The following TULP4 variants were observed in gnomAD, a reference collection of about 807,000 sequenced individuals.
TULP4 encodes TUB like protein 4.
TULP4 carries 16 observed loss-of-function variants against 129.0 expected under a neutral mutation model. The observed-to-expected ratio is 0.12, with a 90% confidence interval of 0.08 to 0.19. The LOEUF (loss-of-function observed/expected upper bound fraction) is 0.19, where lower values mean the gene tolerates loss of function less well. TULP4 is among the 10% of genes least tolerant of loss of function. The pLI, the probability that TULP4 is intolerant of heterozygous loss-of-function variation, is 1.00. For missense variants in TULP4, 1,842 were observed against 2,059.1 expected (o/e 0.89, Z 2.04); for synonymous variants, 998 against 854.0 (o/e 1.17, Z -2.94).
At chr6:158,238,706 T>G (rs2128442720) in intron 1 of TULP4, among the ~76,000 whole-genome samples, 1 of 96,124 alleles carries the variant, frequency 1.0e-5, no homozygotes, top group East Asian at 2.8e-4. Flanking sequence ...TAACCCTGAG[T>G]GGACACAGCA....
In TULP4 at chr6:158,498,781, T is replaced by G; in HGVS notation, c.1983T>G (p.Asn661Lys). 6 of 1,614,200 alleles carry G rather than the reference T, an allele frequency of 3.7e-6. No homozygotes were observed. The highest frequency in any genetic ancestry group is 5.1e-6 in the Non-Finnish European group (6 of 1,180,032). ...TTAATTTACCTGTCTTCAACCCAAA[T>G]GTTTTCAGTGAAGATGAAGATGATT... ...DYINLPVFNP[N>K]VFSEDEDDLP... The change falls in exon 12 of 14, where the codon AAT becomes AAG. Residue 661 changes from asparagine to lysine, a missense_variant. Asn to Lys is a moderately conservative substitution (Grantham distance 94, BLOSUM62 0). This residue lies in a region of TULP4 where 99 missense variants were observed against 165.1 expected (regional missense o/e 0.60). Coordinates refer to ENST00000367097, the MANE Select transcript of TULP4 (RefSeq NM_020245.5).
chr6:158,237,654 A>T, intron 1 of TULP4: 1 of 1,289,022 alleles, frequency 7.8e-7, no homozygotes, highest in Non-Finnish European at 1.1e-6. Context: ...GTTTTGGGTC[A>T]TAATTCTTAG....
intron 1 of TULP4, among the ~76,000 whole-genome samples, chr6:158,365,578 G>A (rs562360933): frequency 9.3e-5 from 14 of 151,154 alleles, no homozygotes; most frequent in East Asian, 3.9e-4. Flanking sequence ...GCAGGTTCAC[G>A]CCATTCTCCT....
chr6:158,437,055 TG>T lies in TULP4; in HGVS notation c.543+7162del, dbSNP rs1246179778. On this transcript the variant is annotated intron_variant, in intron 3 of 13. Coordinates refer to ENST00000367097, the MANE Select transcript of TULP4 (RefSeq NM_020245.5). ...AGCAGCTAAGCACTGTCAGATCATTTGGGGAGAGAAGCAGTAACAGTCACTG... is the reference window on the plus strand; with the variant it reads ...AGCAGCTAAGCACTGTCAGATCATTTGGGAGAGAAGCAGTAACAGTCACTG... Among the ~76,000 whole-genome samples the T allele has an allele frequency of 2.0e-5, 3 of 152,176 alleles. No homozygotes were observed. In the East Asian group the frequency reaches 5.8e-4, roughly 29 times the overall value.
intron 1 of TULP4, among the ~76,000 whole-genome samples, chr6:158,332,184 AAAAAAAAAAAAAAAAAATAT>A (rs1329160322): frequency 4.0e-3 from 178 of 44,422 alleles, no homozygotes; most frequent in East Asian, 0.015. Context: ...AAAAAAAAAA[AAAAAAAAAAAAAAAAAATAT>A]ATATATATAT....
chr6:158,325,135 A>G (rs898564622), intron 1 of TULP4, among the ~76,000 whole-genome samples: 1 of 152,228 alleles, frequency 6.6e-6, no homozygotes. Context: ...CAAAAAATCA[A>G]ATGTGAGTGT....
At chr6:158,295,195 C>T (rs1318309088) in intron 1 of TULP4, among the ~76,000 whole-genome samples, 1 of 136,062 alleles carries the variant, frequency 7.3e-6, no homozygotes, top group East Asian at 2.0e-4. Flanking sequence ...CATTGTTATC[C>T]TTTAGAAGAA....
intron 1 of TULP4, among the ~76,000 whole-genome samples, chr6:158,240,775 C>G (rs1281320910): frequency 1.5e-5 from 2 of 133,466 alleles, no homozygotes; most frequent in Non-Finnish European, 1.7e-5. Context: ...TCCCGGTCGG[C>G]ACGGCTGGCC....
chr6:158,383,073 A>G (rs2114920290), intron 1 of TULP4, among the ~76,000 whole-genome samples: 1 of 152,352 alleles, frequency 6.6e-6, no homozygotes, highest in African/African-American at 2.4e-5. Context: ...GCAGTCTGAC[A>G]AATTTTGTTG....
At chr6:158,434,928 C>T (rs767752190) in intron 3 of TULP4, among the ~76,000 whole-genome samples, 31 of 152,170 alleles carry the variant, frequency 2.0e-4, no homozygotes, top group Non-Finnish European at 3.8e-4. Context: ...CATGAAATGG[C>T]ATGGGAAGAA....
At chr6:158,284,670 C>A (rs1778807827) in intron 1 of TULP4, among the ~76,000 whole-genome samples, 1 of 152,208 alleles carries the variant, frequency 6.6e-6, no homozygotes, top group South Asian at 2.1e-4. Flanking sequence ...TACTGAGCTG[C>A]TGACCAGAGG....
intron 6 of TULP4, among the ~76,000 whole-genome samples, chr6:158,471,473 C>G (rs1779681374): frequency 6.6e-6 from 1 of 152,176 alleles, no homozygotes; most frequent in African/African-American, 2.4e-5. Context: ...TGGTTAGATA[C>G]TTCATGACCT....
intron 1 of TULP4, among the ~76,000 whole-genome samples, chr6:158,404,122 C>T (rs774390496): frequency 3.9e-5 from 6 of 152,166 alleles, no homozygotes; most frequent in Non-Finnish European, 5.9e-5. Flanking sequence ...TTGCTGGAAC[C>T]TTTCTTATGG....
intron 1 of TULP4, among the ~76,000 whole-genome samples, chr6:158,320,169 G>A (rs2128486284): frequency 6.6e-6 from 1 of 152,304 alleles, no homozygotes; most frequent in East Asian, 1.9e-4. Context: ...CTTCGTGGCT[G>A]GCTGAGAAGT....
At chr6:158,237,070 A>G (rs1177897972) in intron 1 of TULP4, among the ~76,000 whole-genome samples, 1 of 151,786 alleles carries the variant, frequency 6.6e-6, no homozygotes, top group Non-Finnish European at 1.5e-5. Context: ...CAGCCTCCCA[A>G]AGTGCTGGGA....
At chr6:158,375,774 T>C (rs557273210) in intron 1 of TULP4, among the ~76,000 whole-genome samples, 77 of 152,332 alleles carry the variant, frequency 5.1e-4, no homozygotes, top group African/African-American at 1.7e-3. Context: ...TAAACTAATA[T>C]ATATAATACA....
In TULP4 at chr6:158,350,474, C is replaced by T. The variant is rs1780486471; in HGVS notation, c.252+36206C>T. Among the ~76,000 whole-genome samples, 2 of 152,216 alleles carry T rather than the reference C, an allele frequency of 1.3e-5. 1 individual carries two copies. The highest frequency in any genetic ancestry group is 4.8e-5 in the African/African-American group (2 of 41,460). On this transcript the variant is annotated intron_variant, in intron 1 of 13. Coordinates refer to ENST00000367097, the MANE Select transcript of TULP4 (RefSeq NM_020245.5). ...GTGAGTGAGACTCTGTCTGCAATCC[C>T]AGCACCTCGGGAGGCCGAGGCAGGC...
intron 1 of TULP4, among the ~76,000 whole-genome samples, chr6:158,298,184 A>G (rs541197259): frequency 6.6e-6 from 1 of 152,272 alleles, no homozygotes; most frequent in African/African-American, 2.4e-5. Flanking sequence ...AATCGCTGTT[A>G]TTCTGTTCTT....
chr6:158,368,169 A>C (rs1316907920), intron 1 of TULP4, among the ~76,000 whole-genome samples: 1 of 149,942 alleles, frequency 6.7e-6, no homozygotes, highest in Non-Finnish European at 1.5e-5. Context: ...ATTCCTCTTG[A>C]TTGGTTTGTC....
Sources: gnomAD v4.1 joint callset for allele counts (sites outside exome capture counted in the v4.1 genomes callset) on GRCh38, gnomAD v4.1.1 for gene constraint, gnomAD v4.1.1 regional missense constraint, MANE v1.5 for transcripts, NCBI Gene and HGNC (gene_info 2026-07-23, HGNC 2026-07-21) for gene names.